The following SEPHS1 variants were observed in gnomAD, a reference collection of about 807,000 sequenced individuals.
The protein encoded by SEPHS1 is zincore component SEPHS1.
SEPHS1 carries 7 observed loss-of-function variants against 39.2 expected under a neutral mutation model. The observed-to-expected ratio is 0.18, with a 90% CI of 0.10 to 0.34. SEPHS1 has a LOEUF of 0.34. Ranked by LOEUF, SEPHS1 falls within the 10% of genes least tolerant of loss-of-function variation. The pLI is 1.00. For missense variants in SEPHS1, 253 were observed against 514.5 expected, an observed-to-expected ratio of 0.49 and a Z score of 4.92; for synonymous variants, 190 against 195.5, an observed-to-expected ratio of 0.97 and a Z score of 0.23.
At chr10:13,341,723 G>C (rs1248904597) in intron 2 of SEPHS1, among the ~76,000 whole-genome samples, 7 of 152,022 alleles carry the variant, frequency 4.6e-5, no homozygotes, top group Non-Finnish European at 7.4e-5. Context: ...TTGGGAGGCC[G>C]AGGTGGGCAG....
In SEPHS1 at chr10:13,319,374, G is replaced by A. The variant is rs745891464; in HGVS notation, c.965-18C>T. On this transcript the variant is annotated intron_variant, in intron 8 of 8. Coordinates refer to ENST00000327347, the MANE Select transcript of SEPHS1 (RefSeq NM_012247.5). ...AAGGCCGCCTGGCAAAAGAAAACAA[G>A]AATGACTGTTAGTGTTGACATGACA... is the stretch of plus-strand genomic sequence containing the variant. 1 of 1,611,870 alleles carries A rather than the reference G, an allele frequency of 6.2e-7. No individual in the cohort carries two copies. The highest frequency in any genetic ancestry group is 1.1e-5 in the South Asian group (1 of 90,552).
rs900370529 is a variant in SEPHS1 at position 13,319,053 on chromosome 10, G to A, written c.*89C>T. 64 of 1,303,872 alleles carry A rather than the reference G, an allele frequency of 4.9e-5. No homozygotes were observed. Among genetic ancestry groups the A allele is most frequent in the Non-Finnish European group, 6.5e-5 (60 of 918,054 alleles). 80.8% of individuals were successfully genotyped at this position (1,303,872 alleles called of 1,614,324 possible). On this transcript the variant is annotated 3_prime_UTR_variant, in exon 9 of 9. Coordinates refer to ENST00000327347, the MANE Select transcript of SEPHS1 (RefSeq NM_012247.5). ...GGTCACCCCGATGTGTAGACACAAT[G>A]AGATTTTTGTTGTTTATAGTCTTTA...
intron 7 of SEPHS1, among the ~76,000 whole-genome samples, chr10:13,326,044 C>T (rs1833278321): frequency 6.6e-6 from 1 of 150,734 alleles, no homozygotes; most frequent in Admixed American, 6.6e-5. Flanking sequence ...ACTAAACATT[C>T]ATTTTGAGTT....
At chr10:13,344,155 C>T (rs1189747965) in intron 2 of SEPHS1, among the ~76,000 whole-genome samples, 3 of 152,148 alleles carry the variant, frequency 2.0e-5, no homozygotes, top group Non-Finnish European at 4.4e-5. Flanking sequence ...CCGATGCACC[C>T]TGCAGAGAAC....
chr10:13,345,105 G>A, intron 1 of SEPHS1, 77 bp from the exon 2 acceptor site: 1 of 601,214 alleles, frequency 1.7e-6, no homozygotes, highest in Non-Finnish European at 2.7e-6. Flanking sequence ...GTGAATACAT[G>A]ACAGCGAAAA....
Position 13,329,736 on chromosome 10 carries a change from T to C in SEPHS1, c.613A>G (p.Thr205Ala). 1 of 1,609,404 alleles carries C rather than the reference T, an allele frequency of 6.2e-7. No homozygotes were observed. Among genetic ancestry groups the C allele is most frequent in the Non-Finnish European group, 8.5e-7 (1 of 1,178,282 alleles). ...DVLVLTKPLG[T>A]QVAVAVHQWL... ...TGGTGCACAGCCACTGCCACCTGTG[T>C]CCCCAGGGGTTTTGTCAGCACCAGC... Residue 205 changes from threonine to alanine, a missense_variant, in exon 6 of 9, where the codon ACA becomes GCA. By Grantham distance (58) the Thr-to-Ala change is moderately conservative. Transcript: ENST00000327347.
intron 5 of SEPHS1, among the ~76,000 whole-genome samples, chr10:13,332,989 CG>C (rs1288211792): frequency 6.6e-6 from 1 of 152,024 alleles, no homozygotes; most frequent in East Asian, 1.9e-4. Context: ...CAGTGAGAGC[CG>C]AGGAGGATGG....
intron 2 of SEPHS1, among the ~76,000 whole-genome samples, chr10:13,341,037 A>C (rs548557554): frequency 3.9e-5 from 6 of 152,254 alleles, no homozygotes; most frequent in Non-Finnish European, 7.3e-5. Flanking sequence ...ATAGATTATA[A>C]TTAATTCCAC....
At chr10:13,347,139 T>C (rs976055387) in intron 1 of SEPHS1, 9 of 152,006 alleles carry the variant, frequency 5.9e-5, no homozygotes, top group Non-Finnish European at 1.2e-4. Flanking sequence ...CATGAATATT[T>C]AAAGCAACGT....
chr10:13,320,010 C>CT lies in SEPHS1; in HGVS notation c.965-655dup, dbSNP rs1487182612. On this transcript the variant is annotated intron_variant, in intron 8 of 8. Transcript: ENST00000327347. ...GAACTTTTGATTCTCTACATCGACT[C>CT]TCTCATTTTACCGAGAATGCTTTTT... 3.3e-5 allele frequency among the ~76,000 whole-genome samples: 5 copies of CT among 152,262 alleles called. No individual in the cohort carries two copies. The East Asian group carries it at 9.6e-4, about 29-fold the overall frequency.
intron 7 of SEPHS1, among the ~76,000 whole-genome samples, chr10:13,324,676 T>A (rs1261824884): frequency 6.6e-6 from 1 of 152,210 alleles, no homozygotes; most frequent in Non-Finnish European, 1.5e-5. Flanking sequence ...GGTGGTGCGA[T>A]CACAGCTTAC....
chr10:13,319,070 T>C lies in SEPHS1; in HGVS notation c.*72A>G, dbSNP rs539777748. 1.2e-5 allele frequency: 18 copies of C among 1,470,344 alleles called. No individual in the cohort carries two copies. In the South Asian group the frequency reaches 2.0e-4, roughly 16 times the overall value. The allele number at this position is 1,470,344 out of a possible 1,614,324, so 91.1% of individuals were successfully genotyped here. ...GACACAATGAGATTTTTGTTGTTTA[T>C]AGTCTTTAATTGAAGTGATAAGGGA... On this transcript the variant is annotated 3_prime_UTR_variant, in exon 9 of 9. Coordinates refer to ENST00000327347, the MANE Select transcript of SEPHS1 (RefSeq NM_012247.5).
At position 13,319,168 on chromosome 10, in the gene SEPHS1, T is replaced by G. The variant is rs778103191; in HGVS notation, c.1153A>C (p.Asn385His). ...TAAGAGGTGGCCCCGGGTGTGGGAT[T>G]CACATTTTGAGTGGCCACTTGTGGT... The part of the protein sequence containing the change: ...VAPQVATQNV[N>H]PTPGATS The change falls in exon 9 of 9, where the codon AAT (asparagine) becomes CAT (histidine). Residue 385 changes from asparagine to histidine, a missense_variant. Transcript: ENST00000327347. 5 of 1,613,054 alleles carry G rather than the reference T, an allele frequency of 3.1e-6. No homozygotes were observed. In the East Asian group the frequency reaches 1.1e-4, roughly 36 times the overall value.
intron 2 of SEPHS1, chr10:13,340,789 C>A (rs965437924): frequency 2.0e-5 from 3 of 151,750 alleles, no homozygotes; most frequent in Admixed American, 6.5e-5. Context: ...AAAGCAGCTC[C>A]GTTATCCACG....
chr10:13,333,843 A>G lies in SEPHS1; in HGVS notation c.534T>C (p.Thr178=), dbSNP rs141555696. The part of the protein sequence containing the change: ...PWIVLGGVAT[T]VCQPNEFIMP... ...TGATAAATTCATTGGGTTGGCAGAC[A>G]GTGGTAGCCACTCCTCCCAGGACAA... is the stretch of plus-strand genomic sequence containing the variant. The change falls in exon 5 of 9, where the codon ACT becomes ACC. Residue 178 remains threonine, a synonymous_variant. Coordinates refer to ENST00000327347, the MANE Select transcript of SEPHS1 (RefSeq NM_012247.5). 40 of 1,613,622 alleles carry G rather than the reference A, an allele frequency of 2.5e-5. No individual in the cohort carries two copies. In the African/African-American group the frequency reaches 5.1e-4, roughly 20 times the overall value.
intron 5 of SEPHS1, among the ~76,000 whole-genome samples, chr10:13,331,883 A>T (rs1317783929): frequency 2.0e-5 from 3 of 152,252 alleles, no homozygotes; most frequent in African/African-American, 7.2e-5. Context: ...AATCCAAAAG[A>T]CAGACAGGAA....
chr10:13,328,361 G>C lies in SEPHS1; in HGVS notation c.741C>G (p.Leu247=). 6.2e-7 allele frequency: 1 copy of C among 1,611,824 alleles called. No homozygotes were observed. The highest frequency in any genetic ancestry group is 8.5e-7 in the Non-Finnish European group (1 of 1,178,026). The stretch of plus-strand genomic sequence containing the variant: ...TCCCACCTGTCATACCTGTCCTGTT[G>C]AGCCTCGCCATGTTCATCATCGCCT... The part of the protein sequence containing the change: ...YQEAMMNMAR[L]NRTAAGLMHT... Residue 247 remains leucine, a synonymous_variant, in exon 7 of 9, where the codon CTC becomes CTG. Transcript: ENST00000327347.
At chr10:13,343,354 A>G (rs1833847027) in intron 2 of SEPHS1, among the ~76,000 whole-genome samples, 1 of 152,100 alleles carries the variant, frequency 6.6e-6, no homozygotes, top group South Asian at 2.1e-4. Context: ...ACTGTTTTCA[A>G]ACTGAGCTCC....
intron 1 of SEPHS1, among the ~76,000 whole-genome samples, chr10:13,347,111 A>G (rs1263065245): frequency 6.6e-6 from 1 of 152,140 alleles, no homozygotes; most frequent in Non-Finnish European, 1.5e-5. Context: ...CCACATGTTT[A>G]CGCCTTTAAA....
Sources: allele counts gnomAD v4.1 joint callset (sites outside exome capture counted in the v4.1 genomes callset), GRCh38; gene constraint gnomAD v4.1.1; transcripts MANE v1.5; gene names NCBI Gene and HGNC (gene_info 2026-07-23, HGNC 2026-07-21).